COL12A1: variants seen among roughly 807,000 people sequenced by gnomAD.
The protein encoded by COL12A1 is collagen alpha-1(XII) chain.
A neutral mutation model predicts 349.7 loss-of-function variants in COL12A1; 114 were observed. The ratio of observed to expected loss-of-function variants is 0.33; its 90% CI spans 0.28 to 0.38. The LOEUF (loss-of-function observed/expected upper bound fraction) is 0.38. Among genes scored for constraint, COL12A1 ranks in the 10% least tolerant of loss-of-function variants. The probability of loss-of-function intolerance (pLI) is 1.00; values close to 1 mark genes in which losing one functional copy is unlikely to be tolerated. For missense variants in COL12A1, 3,284 were observed against 3,756.9 expected (o/e 0.87, Z 3.29); for synonymous variants, 1,369 against 1,329.0 (o/e 1.03, Z -0.66).
intron 31 of COL12A1, 129 bp from the exon 32 acceptor site, chr6:75,134,984 C>T (rs1332019): frequency 1.2e-6 from 1 of 855,872 alleles, no homozygotes. Flanking sequence ...ATACCACAGT[C>T]AAGGTTTAAC....
chr6:75,182,315 C>T (rs1413355537), intron 10 of COL12A1, among the ~76,000 whole-genome samples: 2 of 151,946 alleles, frequency 1.3e-5, no homozygotes, highest in African/African-American at 4.8e-5. Flanking sequence ...CATCCATCAA[C>T]TCGTCATCTA....
chr6:75,094,603 A>T (rs528037597), intron 60 of COL12A1, among the ~76,000 whole-genome samples: 7 of 152,294 alleles, frequency 4.6e-5, no homozygotes, highest in African/African-American at 1.2e-4. Context: ...GGACAGTATT[A>T]AAAAAGTAAA....
At chr6:75,170,181 C>T (rs193185356) in intron 13 of COL12A1, among the ~76,000 whole-genome samples, 1 of 152,230 alleles carries the variant, frequency 6.6e-6, no homozygotes, top group East Asian at 1.9e-4. Flanking sequence ...ACAAATTAGC[C>T]AATGATAAAT....
chr6:75,175,430 T>C (rs1768887135), intron 12 of COL12A1, 120 bp from the exon 13 acceptor site: 1 of 1,203,698 alleles, frequency 8.3e-7, no homozygotes, highest in Non-Finnish European at 1.1e-6. Flanking sequence ...GGTGAGACTA[T>C]GACAATTTTA....
chr6:75,118,996 A>T (rs770997791), intron 46 of COL12A1, 47 bp downstream of exon 46: 20 of 1,608,988 alleles, frequency 1.2e-5, no homozygotes, highest in Non-Finnish European at 1.6e-5. Context: ...GTGAACATTT[A>T]AAAATGTTAA....
intron 13 of COL12A1, among the ~76,000 whole-genome samples, chr6:75,174,030 A>G (rs751364141): frequency 6.6e-6 from 1 of 152,200 alleles, no homozygotes; most frequent in Non-Finnish European, 1.5e-5. Context: ...GTGCAATTAA[A>G]TTTGTATTTT....
At chr6:75,118,743 AGCC>A (rs1769206394) in intron 46 of COL12A1, among the ~76,000 whole-genome samples, 1 of 152,184 alleles carries the variant, frequency 6.6e-6, no homozygotes. Context: ...TATGGCAGGA[AGCC>A]TGCTCTAGCA....
chr6:75,100,584 G>T (rs1409440780), intron 58 of COL12A1, among the ~76,000 whole-genome samples: 1 of 152,012 alleles, frequency 6.6e-6, no homozygotes, highest in African/African-American at 2.4e-5. Flanking sequence ...TTTTCTCTTT[G>T]ACCTCTCTCT....
chr6:75,136,765 C>A (rs571360375), intron 31 of COL12A1, among the ~76,000 whole-genome samples: 4 of 152,144 alleles, frequency 2.6e-5, no homozygotes, highest in African/African-American at 9.6e-5. Flanking sequence ...TTACATAGTT[C>A]ACAAAAGGCA....
intron 14 of COL12A1, among the ~76,000 whole-genome samples, chr6:75,162,053 T>C (rs906178390): frequency 1.3e-5 from 2 of 152,214 alleles, no homozygotes; most frequent in African/African-American, 4.8e-5. Flanking sequence ...GAAGAATCAA[T>C]ACTGTCAAAA....
intron 3 of COL12A1, among the ~76,000 whole-genome samples, 193 bp downstream of exon 3, chr6:75,194,638 A>G (rs950346510): frequency 2.6e-5 from 4 of 152,220 alleles, no homozygotes; most frequent in Non-Finnish European, 5.9e-5. Context: ...GTTAAACTCA[A>G]TAACATTAAA....
Position 75,152,085 on chromosome 6 carries a change from T to C in COL12A1, c.3835+46A>G, listed in dbSNP as rs377543118. 3 of 1,613,608 alleles carry C rather than the reference T, an allele frequency of 1.9e-6. No individual in the cohort carries two copies. In the African/African-American group the frequency reaches 4.0e-5, roughly 22 times the overall value. ...CACATCACCATTCAGCCACAAACCT[T>C]AACCAGAAGCATGAGCTGAAAGACT... On this transcript the variant is annotated intron_variant, in intron 19 of 65. Transcript: ENST00000322507.
intron 2 of COL12A1, among the ~76,000 whole-genome samples, chr6:75,197,004 A>G (rs1305310048): frequency 1.3e-5 from 2 of 152,206 alleles, no homozygotes; most frequent in African/African-American, 4.8e-5. Context: ...TCAAAGTAGA[A>G]AAGAATGGCC....
rs764066205 is a variant in COL12A1 at position 75,175,143 on chromosome 6, C to T, written c.2605G>A (p.Val869Met). The T allele has an allele frequency of 2.1e-5, 34 of 1,614,058 alleles. No homozygotes were observed. The South Asian group carries it at 3.3e-4, about 16-fold the overall frequency. The stretch of plus-strand genomic sequence containing the variant: ...GTCCCTTCCTTCAATCCCTGCAGCA[C>T]CGTATTGGTTGTATCTCCCCTCACA... ...VTVRGDTTNT[V>M]LQGLKEGTQY... Residue 869 changes from valine to methionine, a missense_variant, in exon 13 of 66, where the codon GTG becomes ATG. By Grantham distance (21) the Val-to-Met change is conservative. Around this residue, in one of 2 missense-constraint regions of COL12A1, gnomAD observed 2,601 missense variants for 2,824.8 expected, o/e 0.92. Coordinates refer to ENST00000322507, the MANE Select transcript of COL12A1 (RefSeq NM_004370.6).
intron 2 of COL12A1, among the ~76,000 whole-genome samples, chr6:75,196,705 T>C (rs930952689): frequency 2.0e-5 from 3 of 152,346 alleles, no homozygotes; most frequent in Non-Finnish European, 4.4e-5. Context: ...TATAAAATAT[T>C]GTTCCAGTAG....
intron 51 of COL12A1, among the ~76,000 whole-genome samples, chr6:75,110,401 A>G (rs541849549): frequency 1.3e-5 from 2 of 152,050 alleles, no homozygotes; most frequent in Non-Finnish European, 1.5e-5. Flanking sequence ...ATTTTGCTAT[A>G]AGGTATTCAG....
Position 75,085,504 on chromosome 6 carries a change from C to A in COL12A1, c.*1043G>T. On this transcript the variant is annotated 3_prime_UTR_variant, in exon 66 of 66. Transcript: ENST00000322507. Reference sequence around the variant, plus strand: ...TATAAATAGATAAGTTACAATGTCCCAATTATTTCCAGATAATTTGGTGAT... The same window carrying A: ...TATAAATAGATAAGTTACAATGTCCAAATTATTTCCAGATAATTTGGTGAT... 3.3e-6 allele frequency: 1 copy of A among 304,890 alleles called. No individual in the cohort carries two copies. Among genetic ancestry groups the A allele is most frequent in the Non-Finnish European group, 7.0e-6 (1 of 143,368 alleles). The allele number at this position is 304,890 out of a possible 1,614,324, so 18.9% of individuals were successfully genotyped here.
chr6:75,205,274 C>G (rs946967669), intron 1 of COL12A1, among the ~76,000 whole-genome samples: 31 of 150,838 alleles, frequency 2.1e-4, no homozygotes, highest in African/African-American at 7.3e-4. Context: ...CACTAGGAAT[C>G]TGTTACGAGA....
At chr6:75,121,205 C>A in intron 44 of COL12A1, 97 bp downstream of exon 44, 1 of 1,182,580 alleles carries the variant, frequency 8.5e-7, no homozygotes. Context: ...AAGGTCAAAA[C>A]AGAGTTTATA....
Sources: allele counts gnomAD v4.1 joint callset (sites outside exome capture counted in the v4.1 genomes callset), GRCh38; gene constraint gnomAD v4.1.1; regional missense constraint gnomAD v4.1.1; transcripts MANE v1.5; gene names NCBI Gene and HGNC (gene_info 2026-07-23, HGNC 2026-07-21).